The following GNAI1 variants were observed in gnomAD, a reference collection of about 807,000 sequenced individuals.
The protein encoded by GNAI1 is guanine nucleotide-binding protein G(i) subunit alpha-1.
GNAI1 carries 11 observed loss-of-function variants against 38.9 expected under a neutral mutation model. The ratio of observed to expected loss-of-function variants is 0.28; its 90% CI spans 0.18 to 0.47. The LOEUF (loss-of-function observed/expected upper bound fraction) is 0.47, where lower values mean the gene tolerates loss of function less well. GNAI1 is among the 20% of genes least tolerant of loss of function. The probability of loss-of-function intolerance (pLI) is 0.99; values close to 1 mark genes in which losing one functional copy is unlikely to be tolerated. For missense variants in GNAI1, 317 were observed against 436.9 expected (o/e 0.73, Z 2.45); for synonymous variants, 166 against 145.1 (o/e 1.14, Z -1.04).
In GNAI1 at chr7:80,181,656, G is replaced by A. The variant is rs188841912; in HGVS notation, c.119-7295G>A. The stretch of plus-strand genomic sequence containing the variant: ...TCTTTTGTCCTGCCTTTCTAGGGTA[G>A]CTTTGTGTGTGCATTCATTCATTTT... On this transcript the variant is annotated intron_variant, in intron 1 of 7. Transcript: ENST00000649796. Among the ~76,000 whole-genome samples the A allele has an allele frequency of 7.9e-5, 12 of 152,244 alleles. No homozygotes were observed. The East Asian group carries it at 2.3e-3, about 29-fold the overall frequency.
In GNAI1 at chr7:80,221,183, T is replaced by G. The variant is rs1789067354; in HGVS notation, c.*3690T>G. Among the ~76,000 whole-genome samples the G allele has an allele frequency of 6.6e-6, 1 of 152,208 alleles. No individual in the cohort carries two copies. Among genetic ancestry groups the G allele is most frequent in the African/African-American group, 2.4e-5 (1 of 41,448 alleles). On this transcript the variant is annotated 3_prime_UTR_variant, in exon 8 of 8. Transcript: ENST00000649796. The stretch of plus-strand genomic sequence containing the variant: ...TGGCTTCAAATCCTGGCTCAATTTC[T>G]TATTAACTGGGAAAATCTGGGCAAA...
chr7:80,184,936 C>A (rs6969850), intron 1 of GNAI1, among the ~76,000 whole-genome samples: 80 of 152,234 alleles, frequency 5.3e-4, no homozygotes, highest in Admixed American at 1.6e-3. Context: ...GTTCCTGTGC[C>A]GGCCACTTAG....
At chr7:80,212,166 A>G (rs1016722435) in intron 6 of GNAI1, among the ~76,000 whole-genome samples, 2 of 152,126 alleles carry the variant, frequency 1.3e-5, no homozygotes, top group Non-Finnish European at 2.9e-5. Flanking sequence ...GCAACACCAC[A>G]TGTTCATTTC....
intron 3 of GNAI1, among the ~76,000 whole-genome samples, chr7:80,192,316 A>G (rs897397792): frequency 6.6e-6 from 1 of 151,872 alleles, no homozygotes; most frequent in Non-Finnish European, 1.5e-5. Flanking sequence ...ACACCTTTAA[A>G]TGTTGTGTTT....
chr7:80,199,581 T>C (rs1788643447), intron 4 of GNAI1, among the ~76,000 whole-genome samples, 199 bp downstream of exon 4: 1 of 152,028 alleles, frequency 6.6e-6, no homozygotes, highest in African/African-American at 2.4e-5. Context: ...ATATGTTCAA[T>C]AGTGTCTCAA....
intron 1 of GNAI1, among the ~76,000 whole-genome samples, chr7:80,181,582 A>G (rs1167125116): frequency 1.3e-5 from 2 of 152,202 alleles, no homozygotes; most frequent in African/African-American, 4.8e-5. Context: ...CGAATGGTCT[A>G]TTTGACGGGC....
chr7:80,171,950 A>G (rs1788104712), intron 1 of GNAI1, among the ~76,000 whole-genome samples: 1 of 152,198 alleles, frequency 6.6e-6, no homozygotes, highest in Admixed American at 6.5e-5. Flanking sequence ...TAAAAATGAT[A>G]TTTGAAAGAA....
At chr7:80,146,566 T>G (rs1028515545) in intron 1 of GNAI1, among the ~76,000 whole-genome samples, 6 of 152,144 alleles carry the variant, frequency 3.9e-5, no homozygotes, top group Non-Finnish European at 4.4e-5. Flanking sequence ...AAGTTAAACT[T>G]TACTATGCAT....
chr7:80,198,122 T>C (rs770027158), intron 3 of GNAI1, among the ~76,000 whole-genome samples: 2 of 151,958 alleles, frequency 1.3e-5, no homozygotes, highest in Non-Finnish European at 2.9e-5. Flanking sequence ...AAACTAGAGT[T>C]AGGTTATCCA....
Position 80,221,778 on chromosome 7 carries a change from G to T in GNAI1, c.*4285G>T, listed in dbSNP as rs1445286206. On this transcript the variant is annotated 3_prime_UTR_variant, in exon 8 of 8. Coordinates refer to ENST00000649796, the MANE Select transcript of GNAI1 (RefSeq NM_002069.6). ...CTGCCTCAGCCTCCCGAGTAGCTGG[G>T]ATTACAGGCATGCGCCACTACACCC... 6.6e-6 allele frequency among the ~76,000 whole-genome samples: 1 copy of T among 151,602 alleles called. No individual in the cohort carries two copies. Among genetic ancestry groups the T allele is most frequent in the African/African-American group, 2.4e-5 (1 of 41,220 alleles).
chr7:80,184,015 T>G (rs922603751), intron 1 of GNAI1, among the ~76,000 whole-genome samples: 1 of 152,058 alleles, frequency 6.6e-6, no homozygotes, highest in South Asian at 2.1e-4. Context: ...TTTGCTGGGC[T>G]CCATATTTGC....
intron 1 of GNAI1, among the ~76,000 whole-genome samples, chr7:80,177,115 C>T (rs1312713067): frequency 6.8e-6 from 1 of 146,950 alleles, no homozygotes; most frequent in East Asian, 2.1e-4. Context: ...ACTGCAAGCT[C>T]CGCCTCCCGG....
intron 1 of GNAI1, among the ~76,000 whole-genome samples, chr7:80,168,673 G>A (rs1239610821): frequency 6.6e-6 from 1 of 152,100 alleles, no homozygotes; most frequent in Non-Finnish European, 1.5e-5. Context: ...GTGAGCCACC[G>A]CGCCTGGCCA....
intron 1 of GNAI1, among the ~76,000 whole-genome samples, chr7:80,139,096 C>T (rs771078173): frequency 9.9e-5 from 15 of 152,102 alleles, no homozygotes; most frequent in Non-Finnish European, 1.3e-4. Context: ...TAAACGGATC[C>T]GGTATTTCAG....
intron 1 of GNAI1, among the ~76,000 whole-genome samples, chr7:80,137,654 A>C (rs1293233910): frequency 1.3e-5 from 2 of 152,136 alleles, no homozygotes; most frequent in Non-Finnish European, 2.9e-5. Flanking sequence ...TACTGGTACC[A>C]TTGGAAATAT....
At chr7:80,150,380 C>T (rs188851876) in intron 1 of GNAI1, among the ~76,000 whole-genome samples, 5 of 152,212 alleles carry the variant, frequency 3.3e-5, no homozygotes, top group East Asian at 1.9e-4. Context: ...AAGTGCTATA[C>T]GGAGATAGTG....
intron 7 of GNAI1, 74 bp from the exon 8 acceptor site, chr7:80,217,229 T>TGAAACTGACTTCAGGTTCATATGTAG: frequency 1.0e-6 from 1 of 1,004,990 alleles, no homozygotes. Context: ...TTCATATGTA[T>TGAAACTGACTTCAGGTTCATATGTAG]GAAACTGAAT....
chr7:80,165,316 C>T (rs1411880467), intron 1 of GNAI1, among the ~76,000 whole-genome samples: 1 of 152,162 alleles, frequency 6.6e-6, no homozygotes, highest in East Asian at 1.9e-4. Context: ...GTGACTTTGT[C>T]TTTTCACAGA....
intron 4 of GNAI1, among the ~76,000 whole-genome samples, chr7:80,199,816 G>C (rs1190687913): frequency 1.3e-5 from 2 of 152,124 alleles, no homozygotes; most frequent in Non-Finnish European, 2.9e-5. Context: ...TGTAAGTAGG[G>C]ATTTTTTGAA....
Sources: allele counts gnomAD v4.1 joint callset (sites outside exome capture counted in the v4.1 genomes callset), GRCh38; gene constraint gnomAD v4.1.1; transcripts MANE v1.5; gene names NCBI Gene and HGNC (gene_info 2026-07-23, HGNC 2026-07-21).